Variants in ITGB3BP observed in about 807,000 individuals in gnomAD.
ITGB3BP encodes the protein centromere protein R.
Under a neutral mutation model 29.1 loss-of-function variants are expected in ITGB3BP, and 27 were observed. That is an observed-to-expected ratio of 0.93 (90% CI 0.68 to 1.28). The LOEUF (loss-of-function observed/expected upper bound fraction) is 1.28, where lower values mean the gene tolerates loss of function less well. Among genes scored for constraint, ITGB3BP ranks in the 50% most tolerant of loss-of-function variants. The pLI, the probability that ITGB3BP is intolerant of heterozygous loss-of-function variation, is 0.00. For missense variants in ITGB3BP, 192 were observed against 200.2 expected (o/e 0.96, Z 0.25); for synonymous variants, 61 against 61.4 (o/e 0.99, Z 0.03).
chr1:63,487,111 T>G (rs1303751368), intron 3 of ITGB3BP, among the ~76,000 whole-genome samples: 1 of 152,088 alleles, frequency 6.6e-6, no homozygotes, highest in Non-Finnish European at 1.5e-5. Context: ...AATTTGTGTA[T>G]GTTTTATGGT....
Position 63,508,578 on chromosome 1 carries a change from C to G in ITGB3BP, c.6-8G>C. On this transcript the variant is annotated splice_polypyrimidine_tract_variant and splice_region_variant and intron_variant, in intron 1 of 8. Coordinates refer to ENST00000271002, the MANE Select transcript of ITGB3BP (RefSeq NM_014288.5). ...TTCAGTGATCTTTTAACACTACAAA[C>G]AAAAAATTTAAAGAAATTTTAGATT... 7.7e-7 allele frequency: 1 copy of G among 1,305,220 alleles called. No individual in the cohort carries two copies. Among genetic ancestry groups the G allele is most frequent in the Middle Eastern group, 1.9e-4 (1 of 5,346 alleles). 80.9% of individuals were successfully genotyped at this position (1,305,220 alleles called of 1,614,324 possible).
chr1:63,471,211 TC>T (rs11337743), intron 4 of ITGB3BP, among the ~76,000 whole-genome samples: 139,547 of 150,230 alleles, frequency 0.93, 65,738 homozygotes, highest in East Asian at 1. Flanking sequence ...ATCCATTTTT[TC>T]CCCTTTTATT....
At chr1:63,493,496 C>T (rs1645713269) in intron 2 of ITGB3BP, among the ~76,000 whole-genome samples, 1 of 152,078 alleles carries the variant, frequency 6.6e-6, no homozygotes, top group South Asian at 2.1e-4. Context: ...AGTTATTTAA[C>T]ACCATTTCTA....
At chr1:63,470,610 C>T (rs1645179736) in intron 4 of ITGB3BP, among the ~76,000 whole-genome samples, 1 of 152,190 alleles carries the variant, frequency 6.6e-6, no homozygotes, top group Non-Finnish European at 1.5e-5. Context: ...ATAATTTTCA[C>T]TGTAGTCCAT....
At chr1:63,522,439 TCCC>T (rs1288154476) in intron 1 of ITGB3BP, among the ~76,000 whole-genome samples, 1 of 152,028 alleles carries the variant, frequency 6.6e-6, no homozygotes, top group Non-Finnish European at 1.5e-5. Flanking sequence ...TCCACCCCAC[TCCC>T]CCAACCTTTA....
intron 2 of ITGB3BP, among the ~76,000 whole-genome samples, chr1:63,501,522 T>A (rs1382613984): frequency 6.6e-6 from 1 of 151,972 alleles, no homozygotes; most frequent in African/African-American, 2.4e-5. Flanking sequence ...AGAGAAATGT[T>A]CTAGGATTGG....
intron 7 of ITGB3BP, among the ~76,000 whole-genome samples, chr1:63,447,309 TAA>T (rs1452934637): frequency 6.6e-6 from 1 of 152,192 alleles, no homozygotes; most frequent in Non-Finnish European, 1.5e-5. Context: ...AATACTTAGA[TAA>T]TTCTTTAAAA....
intron 3 of ITGB3BP, among the ~76,000 whole-genome samples, chr1:63,487,509 C>T (rs764981826): frequency 2.6e-5 from 4 of 152,046 alleles, no homozygotes; most frequent in Non-Finnish European, 5.9e-5. Context: ...GTGCAAACAT[C>T]GTAGGTGTGC....
upstream of ITGB3BP, chr1:63,523,360 T>C: frequency 3.3e-6 from 2 of 607,520 alleles, no homozygotes; most frequent in Non-Finnish European, 5.8e-6. Flanking sequence ...ACCTATTTCC[T>C]GCTGGTGTAA....
chr1:63,521,606 AG>A (rs1244324979), intron 1 of ITGB3BP, among the ~76,000 whole-genome samples: 1 of 152,114 alleles, frequency 6.6e-6, no homozygotes, highest in Non-Finnish European at 1.5e-5. Flanking sequence ...CTGAGGTGGA[AG>A]GATCACTTAA....
At chr1:63,493,398 CAG>C (rs1258959776) in intron 2 of ITGB3BP, among the ~76,000 whole-genome samples, 7 of 151,168 alleles carry the variant, frequency 4.6e-5, no homozygotes, top group African/African-American at 1.7e-4. Flanking sequence ...CTGGGCGACA[CAG>C]GGAGATTCTG....
chr1:63,499,753 A>G (rs1645879111), intron 2 of ITGB3BP, among the ~76,000 whole-genome samples: 1 of 152,232 alleles, frequency 6.6e-6, no homozygotes, highest in African/African-American at 2.4e-5. Flanking sequence ...GATCATCTCA[A>G]TTATGCAGGA....
chr1:63,514,611 T>C (rs1646269649), intron 1 of ITGB3BP, among the ~76,000 whole-genome samples: 1 of 152,194 alleles, frequency 6.6e-6, no homozygotes, highest in Admixed American at 6.5e-5. Flanking sequence ...CTTTGTCTGA[T>C]ATATATCTGT....
intron 4 of ITGB3BP, among the ~76,000 whole-genome samples, chr1:63,465,396 A>G (rs1645081796): frequency 6.6e-6 from 1 of 151,900 alleles, no homozygotes; most frequent in Non-Finnish European, 1.5e-5. Flanking sequence ...TACAAAAGGT[A>G]TTTATAGATA....
At chr1:63,495,718 C>G (rs1000604529) in intron 2 of ITGB3BP, among the ~76,000 whole-genome samples, 2 of 152,034 alleles carry the variant, frequency 1.3e-5, no homozygotes, top group Non-Finnish European at 2.9e-5. Flanking sequence ...CCATGCTATT[C>G]AAGCAAAAAA....
chr1:63,469,653 C>A (rs1366829028), intron 4 of ITGB3BP, among the ~76,000 whole-genome samples: 1 of 152,178 alleles, frequency 6.6e-6, no homozygotes, highest in Non-Finnish European at 1.5e-5. Context: ...CCCATGAACA[C>A]TTATGGGCAT....
intron 4 of ITGB3BP, among the ~76,000 whole-genome samples, chr1:63,471,484 C>A (rs1380221534): frequency 6.6e-6 from 1 of 152,042 alleles, no homozygotes; most frequent in African/African-American, 2.4e-5. Context: ...ATCTCCTGAC[C>A]TCATGATCTG....
At position 63,490,172 on chromosome 1, in the gene ITGB3BP, T is replaced by A. The variant is rs1430640745; in HGVS notation, c.95A>T (p.Tyr32Phe). 1.9e-6 allele frequency: 3 copies of A among 1,595,922 alleles called. No individual in the cohort carries two copies. The highest frequency in any genetic ancestry group is 1.3e-5 in the African/African-American group (1 of 74,626). ...KITRKKSVIT[Y>F]SPTTGTCQMS... is the part of the protein sequence containing the mutation. ...TTGACAAGTTCCAGTTGTTGGAGAA[T>A]AAGTTATAACACTTTTCTTCCTTGT... is the stretch of plus-strand genomic sequence containing the variant. Residue 32 changes from tyrosine (Y) to phenylalanine (F), a missense_variant, in exon 3 of 9, where the codon TAT becomes TTT. Transcript: ENST00000271002.
intron 1 of ITGB3BP, among the ~76,000 whole-genome samples, chr1:63,508,859 A>G (rs17125063): frequency 0.023 from 3,346 of 147,156 alleles, 128 homozygotes; most frequent in African/African-American, 0.081. Context: ...CATCAGTCCT[A>G]TATTATAAAA....
Sources: gnomAD v4.1 joint callset for allele counts (sites outside exome capture counted in the v4.1 genomes callset) on GRCh38, gnomAD v4.1.1 for gene constraint, MANE v1.5 for transcripts, NCBI Gene and HGNC (gene_info 2026-07-23, HGNC 2026-07-21) for gene names.